The following MED4 variants were observed in gnomAD, a reference collection of about 807,000 sequenced individuals.
The protein encoded by MED4 is mediator complex subunit 4.
Under a neutral mutation model 35.0 loss-of-function variants are expected in MED4, and 21 were observed. The ratio of observed to expected loss-of-function variants is 0.60; its 90% CI spans 0.43 to 0.86. The LOEUF is 0.86. MED4 is among the 40% of genes least tolerant of loss of function. MED4 has a pLI of 0.00. For missense variants in MED4, 300 were observed against 319.4 expected, an observed-to-expected ratio of 0.94 and a Z score of 0.46; for synonymous variants, 138 against 114.0, an observed-to-expected ratio of 1.21 and a Z score of -1.34.
chr13:48,085,849 T>C (rs956128670), intron 3 of MED4, among the ~76,000 whole-genome samples: 2 of 152,130 alleles, frequency 1.3e-5, no homozygotes, highest in African/African-American at 4.8e-5. Flanking sequence ...TTAATGTCAA[T>C]TTTAATCAAT....
Position 48,077,323 on chromosome 13 carries a change from A to C in MED4, c.641-12T>G. On this transcript the variant is annotated splice_polypyrimidine_tract_variant and intron_variant, in intron 6 of 6. Transcript: ENST00000258648. ...TGGAGCAAGGACATCTGGAGAAAAA[A>C]AGAAGCATAGATAAGAACAGCTCTA... The C allele has an allele frequency of 6.8e-7, 1 of 1,462,498 alleles. No homozygotes were observed. The highest frequency in any genetic ancestry group is 9.0e-7 in the Non-Finnish European group (1 of 1,109,252). The allele number at this position is 1,462,498 out of a possible 1,614,324, so 90.6% of individuals were successfully genotyped here. A position where few individuals can be genotyped will look rare whatever the true frequency, so the allele number is the denominator to read the frequency against.
intron 5 of MED4, 62 bp downstream of exon 5, chr13:48,081,583 C>T (rs2137830349): frequency 2.7e-6 from 3 of 1,119,472 alleles, no homozygotes; most frequent in Non-Finnish European, 3.9e-6. Flanking sequence ...TATGTCTGTA[C>T]ATAGTCACCT....
At chr13:48,082,551 G>C (rs1055413329) in intron 4 of MED4, among the ~76,000 whole-genome samples, 6 of 152,190 alleles carry the variant, frequency 3.9e-5, no homozygotes, top group African/African-American at 1.2e-4. Flanking sequence ...TATTTGGCTG[G>C]GCGCAGTGGC....
At chr13:48,088,620 T>C (rs949829168) in intron 2 of MED4, among the ~76,000 whole-genome samples, 2 of 152,188 alleles carry the variant, frequency 1.3e-5, no homozygotes, top group Admixed American at 6.5e-5. Context: ...ATTTGTATAC[T>C]ACCCATGAGT....
Position 48,081,664 on chromosome 13 carries a change from A to G in MED4, c.489T>C (p.Ala163=), listed in dbSNP as rs1365184268. ...GTTTACCTGGAACCCAGGTCAGTGG[A>G]GCACATACAGCATTACTTGCACTGA... ...HRISASNAVC[A]PLTWVPGDPR... is the part of the protein sequence containing the mutation. Residue 163 remains alanine, a synonymous_variant, in exon 5 of 7, where the codon GCT becomes GCC. Transcript: ENST00000258648. The G allele has an allele frequency of 2.5e-6, 4 of 1,611,384 alleles. No homozygotes were observed. In the African/African-American group the frequency reaches 5.3e-5, roughly 22 times the overall value.
At chr13:48,083,341 C>A in intron 4 of MED4, 30 bp downstream of exon 4, 1 of 1,572,350 alleles carries the variant, frequency 6.4e-7, no homozygotes, top group Non-Finnish European at 8.7e-7. Flanking sequence ...CTTAACTTTT[C>A]AGGTCATTCA....
At chr13:48,079,750 G>A in intron 6 of MED4, 94 bp downstream of exon 6, 2 of 1,450,134 alleles carry the variant, frequency 1.4e-6, no homozygotes, top group South Asian at 2.6e-5. Flanking sequence ...AATTGTGTCG[G>A]GAATCTCAAA....
intron 4 of MED4, among the ~76,000 whole-genome samples, chr13:48,082,643 C>A (rs1436499446): frequency 6.6e-6 from 1 of 152,232 alleles, no homozygotes; most frequent in East Asian, 1.9e-4. Flanking sequence ...CTGGCTAACA[C>A]AGTGAAACCC....
At chr13:48,081,807 C>T in intron 4 of MED4, 76 bp from the exon 5 acceptor site, 1 of 806,090 alleles carries the variant, frequency 1.2e-6, no homozygotes, top group Non-Finnish European at 1.9e-6. Flanking sequence ...CTATCAGTTA[C>T]ACATCGTATT....
intron 1 of MED4, 51 bp from the exon 2 acceptor site, chr13:48,090,469 C>T: frequency 7.0e-7 from 1 of 1,422,860 alleles, no homozygotes; most frequent in Non-Finnish European, 9.7e-7. Context: ...GCATACTGAA[C>T]ACTCAGGGCT....
At chr13:48,090,150 ATTC>A (rs1157504280) in intron 2 of MED4, among the ~76,000 whole-genome samples, 199 bp downstream of exon 2, 12 of 152,184 alleles carry the variant, frequency 7.9e-5, no homozygotes, top group Non-Finnish European at 1.2e-4. Context: ...TCAGGCAACT[ATTC>A]TTCTTAAGCG....
At chr13:48,082,770 TG>T (rs1950819130) in intron 4 of MED4, among the ~76,000 whole-genome samples, 2 of 150,394 alleles carry the variant, frequency 1.3e-5, no homozygotes, top group African/African-American at 4.9e-5. Flanking sequence ...GAGCTTGCAG[TG>T]CGCCGAGATC....
chr13:48,085,170 ATTTTTTTTTTTTT>A (rs56225303), intron 3 of MED4, among the ~76,000 whole-genome samples: 62,102 of 139,526 alleles, frequency 0.45, 15,450 homozygotes, highest in East Asian at 0.55. Flanking sequence ...TGCCCAGCTA[ATTTTTTTTTTTTT>A]TTTTTTTTTT....
rs972733559 is a variant in MED4, at chr13:48,083,400, T to C, written c.392A>G (p.Lys131Arg). Residue 131 changes from lysine to arginine, a missense_variant, in exon 4 of 7, where the codon AAA becomes AGA. Transcript: ENST00000258648. ...LATAVYQAKE[K>R]LKSIEKARKG... ...TCTTGCTTTTTCTATTGACTTGAGTTTCTCCTTCGCTTGGTAAACAGCTGT... is the reference window on the plus strand; with the variant it reads ...TCTTGCTTTTTCTATTGACTTGAGTCTCTCCTTCGCTTGGTAAACAGCTGT... 85 of 1,613,126 alleles carry C rather than the reference T, an allele frequency of 5.3e-5. No homozygotes were observed. Among genetic ancestry groups the C allele is most frequent in the Non-Finnish European group, 6.7e-5 (79 of 1,179,782 alleles).
In MED4 at chr13:48,086,904, G is replaced by C. The variant is rs187892711; in HGVS notation, c.193-452C>G. Among the ~76,000 whole-genome samples, 447 of 151,846 alleles carry C rather than the reference G, an allele frequency of 2.9e-3. 1 individual carries two copies. The highest frequency in any genetic ancestry group is 0.01 in the African/African-American group (418 of 41,396). On this transcript the variant is annotated intron_variant, in intron 2 of 6. Transcript: ENST00000258648. ...ATCTCTACTAAAAATACAAAAATTA[G>C]TTGGGTGTGGTGGCGCCTAAAATCC...
chr13:48,078,109 G>GT (rs1276695396), intron 6 of MED4, among the ~76,000 whole-genome samples: 1 of 152,146 alleles, frequency 6.6e-6, no homozygotes, highest in Admixed American at 6.5e-5. Flanking sequence ...AAGGGCCCAA[G>GT]TTACATTTAA....
At chr13:48,078,337 TG>T (rs2137826591) in intron 6 of MED4, among the ~76,000 whole-genome samples, 1 of 152,322 alleles carries the variant, frequency 6.6e-6, no homozygotes, top group East Asian at 1.9e-4. Context: ...AGGGCACAGG[TG>T]GGACTCCACT....
At chr13:48,088,567 T>C (rs925497330) in intron 2 of MED4, among the ~76,000 whole-genome samples, 1 of 152,218 alleles carries the variant, frequency 6.6e-6, no homozygotes, top group African/African-American at 2.4e-5. Context: ...TAGTACACAG[T>C]AGTTCCCTGA....
chr13:48,092,276 T>C (rs1950895113), intron 1 of MED4, among the ~76,000 whole-genome samples: 1 of 150,690 alleles, frequency 6.6e-6, no homozygotes, highest in East Asian at 2.0e-4. Flanking sequence ...CCCGGCTAAT[T>C]TTGTATTTTT....
Sources: allele counts gnomAD v4.1 joint callset (sites outside exome capture counted in the v4.1 genomes callset), GRCh38; gene constraint gnomAD v4.1.1; transcripts MANE v1.5; gene names NCBI Gene and HGNC (gene_info 2026-07-23, HGNC 2026-07-21).